PDE6C: variants seen among roughly 807,000 people sequenced by gnomAD.
The protein encoded by PDE6C is phosphodiesterase 6C.
A neutral mutation model predicts 113.1 loss-of-function variants in PDE6C; 75 were observed. The ratio of observed to expected loss-of-function variants is 0.66; its 90% confidence interval spans 0.55 to 0.80. The LOEUF (loss-of-function observed/expected upper bound fraction) is 0.80, where lower values mean the gene tolerates loss of function less well. PDE6C is among the 30% of genes least tolerant of loss of function. The probability of loss-of-function intolerance (pLI) is 0.00; values close to 1 mark genes in which losing one functional copy is unlikely to be tolerated. For synonymous variants in PDE6C, 375 were observed against 363.7 expected (o/e 1.03, Z -0.35); for missense variants, 912 against 1,038.6 (o/e 0.88, Z 1.67).
intron 15 of PDE6C, among the ~76,000 whole-genome samples, chr10:93,648,575 TAC>T (rs1163094761): frequency 6.6e-6 from 1 of 152,226 alleles, no homozygotes; most frequent in African/African-American, 2.4e-5. Context: ...CTGTGGGCAT[TAC>T]TCAGACATTT....
At position 93,656,613 on chromosome 10, in the gene PDE6C, G is replaced by A. The variant is rs1421539262; in HGVS notation, c.2036+753G>A. Among the ~76,000 whole-genome samples the A allele has an allele frequency of 1.9e-4, 29 of 151,762 alleles. No individual in the cohort carries two copies. The East Asian group carries it at 5.3e-3, about 28-fold the overall frequency. On this transcript the variant is annotated intron_variant, in intron 16 of 21. Coordinates refer to ENST00000371447, the MANE Select transcript of PDE6C (RefSeq NM_006204.4). ...TTATACAGGTCTCACTCTGTCACCT[G>A]GGCTGGAGTGCAGTGGCACAACCTC...
chr10:93,662,229 C>A lies in PDE6C; in HGVS notation c.2283+96C>A, dbSNP rs184970190. 933 of 799,744 alleles carry A rather than the reference C, an allele frequency of 1.2e-3. 6 individuals are homozygous for A. The East Asian group carries it at 0.018, about 16-fold the overall frequency. The allele number at this position is 799,744 out of a possible 1,614,324, so 49.5% of individuals were successfully genotyped here. On this transcript the variant is annotated intron_variant, in intron 19 of 21. Coordinates refer to ENST00000371447, the MANE Select transcript of PDE6C (RefSeq NM_006204.4). ...CCTGTAATCCCAGCACTTTGGGAGG[C>A]TGAGGTGGGCAGATCACGAGGTCAA...
At position 93,620,940 on chromosome 10, in the gene PDE6C, A is replaced by T; in HGVS notation, c.683A>T (p.His228Leu). The change falls in exon 3 of 22, where the codon CAC becomes CTC. Residue 228 changes from histidine to leucine, a missense_variant. Transcript: ENST00000371447. Reference sequence around the variant, plus strand: ...GTGTCTATCATCCTAAGGCTTCATCACACCAGCTACATGTACAATATTGAA... The same window carrying T: ...GTGTCTATCATCCTAAGGCTTCATCTCACCAGCTACATGTACAATATTGAA... ...NFVSIILRLH[H>L]TSYMYNIESR... 2 of 1,614,070 alleles carry T rather than the reference A, an allele frequency of 1.2e-6. No individual in the cohort carries two copies. Among genetic ancestry groups the T allele is most frequent in the Non-Finnish European group, 1.7e-6 (2 of 1,179,954 alleles).
intron 15 of PDE6C, among the ~76,000 whole-genome samples, chr10:93,655,222 A>C (rs1485907617): frequency 2.0e-5 from 3 of 152,190 alleles, no homozygotes; most frequent in Non-Finnish European, 4.4e-5. Context: ...ATAGAATTGC[A>C]TGAAAACATT....
chr10:93,615,233 A>G (rs1463880740), intron 1 of PDE6C, among the ~76,000 whole-genome samples: 2 of 152,216 alleles, frequency 1.3e-5, no homozygotes, highest in Non-Finnish European at 2.9e-5. Flanking sequence ...CCAAGGCTGC[A>G]GTGAGCTGTG....
chr10:93,637,187 A>G, intron 11 of PDE6C, 124 bp downstream of exon 11: 1 of 658,394 alleles, frequency 1.5e-6, no homozygotes, highest in Non-Finnish European at 2.7e-6. Flanking sequence ...GATATTTCTC[A>G]AGGCTAAAAA....
rs553571841 is a variant in PDE6C, at chr10:93,636,979, T to C, written c.1414-16T>C. On this transcript the variant is annotated splice_polypyrimidine_tract_variant and intron_variant, in intron 10 of 21. Transcript: ENST00000371447. ...TCCTTTAGGAATTTCACACCTCAAT[T>C]GCTTTTACATTTTAGAAATTTCAAG... is the stretch of plus-strand genomic sequence containing the variant. 1.4e-6 allele frequency: 2 copies of C among 1,437,864 alleles called. No individual in the cohort carries two copies. Among genetic ancestry groups the C allele is most frequent in the South Asian group, 2.3e-5 (2 of 87,154 alleles). The allele number at this position is 1,437,864 out of a possible 1,614,324, so 89.1% of individuals were successfully genotyped here. A position where few individuals can be genotyped will look rare whatever the true frequency, so the allele number is the denominator to read the frequency against.
intron 15 of PDE6C, among the ~76,000 whole-genome samples, chr10:93,649,530 C>A (rs913432787): frequency 6.6e-6 from 1 of 152,138 alleles, no homozygotes; most frequent in African/African-American, 2.4e-5. Context: ...GTTCCCACTA[C>A]CCAAGCTATT....
chr10:93,649,868 G>A (rs1051331025), intron 15 of PDE6C, among the ~76,000 whole-genome samples: 1 of 152,160 alleles, frequency 6.6e-6, no homozygotes, highest in Admixed American at 6.5e-5. Flanking sequence ...GCCTCCCAAA[G>A]TGCTGGGATT....
At chr10:93,638,769 T>C (rs2058545758) in intron 11 of PDE6C, among the ~76,000 whole-genome samples, 1 of 152,156 alleles carries the variant, frequency 6.6e-6, no homozygotes, top group Admixed American at 6.5e-5. Context: ...CCTGAGTCTC[T>C]CTCCAGGCCT....
At chr10:93,639,966 G>A in intron 11 of PDE6C, 104 bp from the exon 12 acceptor site, 6 of 1,163,500 alleles carry the variant, frequency 5.2e-6, no homozygotes, top group Non-Finnish European at 6.5e-6. Flanking sequence ...ATCACACATT[G>A]TGTTCTTTTA....
At chr10:93,622,974 A>T (rs2058455795) in intron 4 of PDE6C, among the ~76,000 whole-genome samples, 1 of 152,144 alleles carries the variant, frequency 6.6e-6, no homozygotes, top group Non-Finnish European at 1.5e-5. Flanking sequence ...TTTTCAACTC[A>T]ATTGGGTAAA....
intron 4 of PDE6C, 33 bp downstream of exon 4, chr10:93,622,105 C>T: frequency 6.2e-7 from 1 of 1,604,430 alleles, no homozygotes; most frequent in Non-Finnish European, 8.5e-7. Context: ...TGTCTCATCT[C>T]ACATCGCCTA....
At chr10:93,631,694 C>T (rs531477077) in intron 8 of PDE6C, among the ~76,000 whole-genome samples, 10 of 152,314 alleles carry the variant, frequency 6.6e-5, no homozygotes, top group African/African-American at 1.7e-4. Flanking sequence ...TTTTGTGCTC[C>T]GTCTTCTGAT....
intron 18 of PDE6C, among the ~76,000 whole-genome samples, chr10:93,659,561 G>A (rs1440597786): frequency 1.3e-5 from 2 of 152,186 alleles, no homozygotes; most frequent in East Asian, 3.9e-4. Flanking sequence ...CACAATCATG[G>A]TGGAAGATGA....
At chr10:93,634,022 C>T (rs2058515856) in intron 8 of PDE6C, among the ~76,000 whole-genome samples, 1 of 151,942 alleles carries the variant, frequency 6.6e-6, no homozygotes, top group South Asian at 2.1e-4. Context: ...CAAAAGATTA[C>T]TCTTTCTTTT....
At chr10:93,622,665 G>GTTTTTTTTTTTTT (rs772786278) in intron 4 of PDE6C, among the ~76,000 whole-genome samples, 3 of 56,140 alleles carry the variant, frequency 5.3e-5, no homozygotes, top group Admixed American at 1.9e-4. Context: ...TTTTTTTGTT[G>GTTTTTTTTTTTTT]TTTTTTTTTT....
At chr10:93,654,227 A>T (rs922517969) in intron 15 of PDE6C, among the ~76,000 whole-genome samples, 1 of 152,222 alleles carries the variant, frequency 6.6e-6, no homozygotes, top group Non-Finnish European at 1.5e-5. Flanking sequence ...ATATGAGAAA[A>T]CAAATACAGA....
At chr10:93,630,421 C>A (rs1028069092) in intron 8 of PDE6C, among the ~76,000 whole-genome samples, 1 of 150,842 alleles carries the variant, frequency 6.6e-6, no homozygotes, top group Non-Finnish European at 1.5e-5. Flanking sequence ...ATCTCTGCCA[C>A]TCCCTTCTCT....
Sources: gnomAD v4.1 joint callset for allele counts (sites outside exome capture counted in the v4.1 genomes callset) on GRCh38, gnomAD v4.1.1 for gene constraint, MANE v1.5 for transcripts, NCBI Gene and HGNC (gene_info 2026-07-23, HGNC 2026-07-21) for gene names.